Variants in POLR1A observed in about 807,000 individuals in gnomAD.
POLR1A encodes RNA polymerase I subunit A, also known as DNA-directed RNA polymerase I subunit RPA1.
In POLR1A, 84 loss-of-function variants were observed where a neutral mutation model predicts 205.3. The ratio of observed to expected loss-of-function variants is 0.41; its 90% CI spans 0.34 to 0.49. The LOEUF (loss-of-function observed/expected upper bound fraction) is 0.49. POLR1A is among the 20% of genes least tolerant of loss of function. POLR1A has a pLI of 0.22. For synonymous variants in POLR1A, 799 were observed against 863.7 expected, an observed-to-expected ratio of 0.93 and a Z score of 1.31; for missense variants, 1,645 against 2,204.5, an observed-to-expected ratio of 0.75 and a Z score of 5.08.
intron 19 of POLR1A, among the ~76,000 whole-genome samples, chr2:86,046,573 C>T (rs940256217): frequency 2.0e-5 from 3 of 151,924 alleles, no homozygotes; most frequent in Admixed American, 6.6e-5. Context: ...CGGCCAGGTG[C>T]GGTGGCTCAT....
At chr2:86,053,496 T>A (rs897289060) in intron 15 of POLR1A, among the ~76,000 whole-genome samples, 1 of 152,214 alleles carries the variant, frequency 6.6e-6, no homozygotes, top group African/African-American at 2.4e-5. Context: ...TAACATCCTC[T>A]AAGGCCTGAA....
chr2:86,069,803 T>C lies in POLR1A; in HGVS notation c.1866+215A>G, dbSNP rs539383234. On this transcript the variant is annotated intron_variant, in intron 13 of 33. Transcript: ENST00000263857. ...GGGATGGCTATCACAATTTCTGTCCTGATTTACATTTTACAACGCAGCAAA... is the reference window on the plus strand; with the variant it reads ...GGGATGGCTATCACAATTTCTGTCCCGATTTACATTTTACAACGCAGCAAA... Among the ~76,000 whole-genome samples, 3 of 152,360 alleles carry C rather than the reference T, an allele frequency of 2.0e-5. No homozygotes were observed. In the East Asian group the frequency reaches 5.8e-4, roughly 29 times the overall value.
At position 86,065,395 on chromosome 2, in the gene POLR1A, C is replaced by T; in HGVS notation, c.1937G>A (p.Cys646Tyr). The T allele has an allele frequency of 1.2e-6, 2 of 1,614,168 alleles. No homozygotes were observed. Among genetic ancestry groups the T allele is most frequent in the Non-Finnish European group, 1.7e-6 (2 of 1,179,998 alleles). ...CATATAGTGCTCCCGGGTGAAAAAG[C>T]AACCCCGAGTAGTCATGCTTGCCCC... ...VSGASMTTRG[C>Y]FFTREHYMEL... The change falls in exon 14 of 34, where the codon TGC becomes TAC. Residue 646 changes from cysteine (C) to tyrosine (Y), a missense_variant. By Grantham distance (194) the Cys-to-Tyr change is radical (BLOSUM62 -2). Transcript: ENST00000263857.
rs534066415 is a variant in POLR1A at position 86,070,411 on chromosome 2, A to G, written c.1612-139T>C. The G allele has an allele frequency of 1.0e-4, 91 of 899,254 alleles. No individual in the cohort carries two copies. The South Asian group carries it at 1.5e-3, about 15-fold the overall frequency. The allele number at this position is 899,254 out of a possible 1,614,324, so 55.7% of individuals were successfully genotyped here. On this transcript the variant is annotated intron_variant, in intron 12 of 33. Transcript: ENST00000263857. This position sits in a 1 kb window ranked among gnomAD's most constrained non-coding sequence, Gnocchi z 4.4. The stretch of plus-strand genomic sequence containing the variant: ...TAACTAAATGCAAGGGGAATTTTTC[A>G]TCTGGAGCAAAACCCTGGAAATCTC...
chr2:86,066,858 T>G (rs1056098655), intron 13 of POLR1A, among the ~76,000 whole-genome samples: 4 of 152,202 alleles, frequency 2.6e-5, no homozygotes, highest in Non-Finnish European at 4.4e-5. Flanking sequence ...TATGAAGGCT[T>G]TCACTTAATA....
chr2:86,083,224 GCA>G, intron 6 of POLR1A, 56 bp from the exon 7 acceptor site: 6 of 1,195,930 alleles, frequency 5.0e-6, no homozygotes, highest in Non-Finnish European at 7.5e-6. Context: ...TACTCTTTCT[GCA>G]ATGGGATTTA....
chr2:86,054,530 AT>A, intron 14 of POLR1A, among the ~76,000 whole-genome samples: 1 of 152,318 alleles, frequency 6.6e-6, no homozygotes, highest in East Asian at 1.9e-4. Flanking sequence ...CTTCACTGGG[AT>A]TTTTACTCCC....
chr2:86,048,672 T>C (rs1221762821), intron 18 of POLR1A, among the ~76,000 whole-genome samples: 1 of 152,246 alleles, frequency 6.6e-6, no homozygotes, highest in Admixed American at 6.5e-5. Context: ...CTTGGCACTA[T>C]TCTGAGGCCT....
In POLR1A at chr2:86,022,541, C is replaced by A. The variant is rs1690166600; in HGVS notation, c.*4882G>T. 1 of 152,178 alleles carries A rather than the reference C, an allele frequency of 6.6e-6. No homozygotes were observed. Among genetic ancestry groups the A allele is most frequent in the East Asian group, 1.9e-4 (1 of 5,196 alleles). The allele number at this position is 152,178 out of a possible 1,614,324, so 9.4% of individuals were successfully genotyped here. ...AGACTCTCTTGAAGATTTTCTAATG[C>A]CTAGGCCACACTCCAGGCCAATAAA... On this transcript the variant is annotated 3_prime_UTR_variant, in exon 34 of 34. Coordinates refer to ENST00000263857, the MANE Select transcript of POLR1A (RefSeq NM_015425.6).
chr2:86,083,391 A>C lies in POLR1A; in HGVS notation c.731-223T>G, dbSNP rs1329901329. Among the ~76,000 whole-genome samples, 5 of 151,872 alleles carry C rather than the reference A, an allele frequency of 3.3e-5. No individual in the cohort carries two copies. The East Asian group carries it at 7.7e-4, about 23-fold the overall frequency. On this transcript the variant is annotated intron_variant, in intron 6 of 33. Transcript: ENST00000263857. ...ATAAAACCTAAAAAAAAAAAAAAGCAAAGTAAAAGAAAACATTACCCATAA... is the reference window on the plus strand; with the variant it reads ...ATAAAACCTAAAAAAAAAAAAAAGCCAAGTAAAAGAAAACATTACCCATAA...
intron 27 of POLR1A, among the ~76,000 whole-genome samples, chr2:86,035,472 G>A (rs1456390061): frequency 6.6e-6 from 1 of 152,176 alleles, no homozygotes; most frequent in Admixed American, 6.5e-5. Flanking sequence ...TGCACCCGAG[G>A]CTACTGTGCA....
At chr2:86,097,413 A>G (rs1673725173) in intron 3 of POLR1A, among the ~76,000 whole-genome samples, 2 of 152,128 alleles carry the variant, frequency 1.3e-5, no homozygotes, top group South Asian at 4.1e-4. Flanking sequence ...AGGAAAAGAA[A>G]TTGGTATATC....
At chr2:86,101,105 T>C (rs1293356518) in intron 1 of POLR1A, among the ~76,000 whole-genome samples, 1 of 152,194 alleles carries the variant, frequency 6.6e-6, no homozygotes, top group East Asian at 1.9e-4. Context: ...TAAAAAAGGT[T>C]TCATCACATT....
Position 86,098,682 on chromosome 2 carries a change from G to GT in POLR1A, c.360dup (p.Leu121ThrfsTer19). On this transcript the variant is annotated frameshift_variant, in exon 3 of 34. Coordinates refer to ENST00000263857, the MANE Select transcript of POLR1A (RefSeq NM_015425.6). LOFTEE classifies it high-confidence loss of function. ...ACTTCCAGAACCCTCAGCTGGCAGA[G>GT]TAAGAGGTGAATCACGGCCCGGGGA... 6.2e-7 allele frequency: 1 copy of GT among 1,613,726 alleles called. No individual in the cohort carries two copies. The highest frequency in any genetic ancestry group is 8.5e-7 in the Non-Finnish European group (1 of 1,179,916).
rs1032128610 is a variant in POLR1A, at chr2:86,033,423, G to A, written c.4161+238C>T. Among the ~76,000 whole-genome samples, 7 of 152,374 alleles carry A rather than the reference G, an allele frequency of 4.6e-5. 1 individual carries two copies. Among genetic ancestry groups the A allele is most frequent in the African/African-American group, 9.6e-5 (4 of 41,598 alleles). ...CTCTTGGAGAGCAGAGCTATGATGC[G>A]GAGGCCTGCCCCGGGGCTGGCTACA... On this transcript the variant is annotated intron_variant, in intron 28 of 33. Coordinates refer to ENST00000263857, the MANE Select transcript of POLR1A (RefSeq NM_015425.6).
chr2:86,103,588 G>A (rs1179025284), intron 1 of POLR1A, among the ~76,000 whole-genome samples: 1 of 152,182 alleles, frequency 6.6e-6, no homozygotes, highest in Non-Finnish European at 1.5e-5. Flanking sequence ...GGATGAAATC[G>A]TATCCACTTA....
rs1422791858 is a variant in POLR1A, at chr2:86,023,164, C to A, written c.*4259G>T. On this transcript the variant is annotated 3_prime_UTR_variant, in exon 34 of 34. Transcript: ENST00000263857. ...GGTGTAGGAACTTTGGAATTTTTGA[C>A]TGTAGCTATTTTGGTGGTTGTAATT... The A allele has an allele frequency of 6.6e-6, 1 of 152,224 alleles. No individual in the cohort carries two copies. Among genetic ancestry groups the A allele is most frequent in the Non-Finnish European group, 1.5e-5 (1 of 68,056 alleles). The allele number at this position is 152,224 out of a possible 1,614,324, so 9.4% of individuals were successfully genotyped here.
intron 19 of POLR1A, 128 bp downstream of exon 19, chr2:86,047,037 G>A (rs1377284700): frequency 3.2e-6 from 2 of 628,540 alleles, no homozygotes; most frequent in Admixed American, 2.5e-5. Flanking sequence ...AGCTCCTGTA[G>A]TGATTTCTAC....
At chr2:86,029,943 C>T (rs559330115) in intron 31 of POLR1A, among the ~76,000 whole-genome samples, 30 of 152,256 alleles carry the variant, frequency 2.0e-4, no homozygotes, top group African/African-American at 6.5e-4. Context: ...CAAATTAACC[C>T]GGGCGACTCT....
Sources: allele counts gnomAD v4.1 joint callset (sites outside exome capture counted in the v4.1 genomes callset), GRCh38; gene constraint gnomAD v4.1.1; non-coding constraint Gnocchi (gnomAD v3.1); transcripts MANE v1.5; gene names NCBI Gene and HGNC (gene_info 2026-07-23, HGNC 2026-07-21).